The following FMN1 variants were observed in gnomAD, a reference collection of about 807,000 sequenced individuals.
FMN1 encodes formin-1.
In FMN1, 110 loss-of-function variants were observed where a neutral mutation model predicts 132.4. The ratio of observed to expected loss-of-function variants is 0.83; its 90% confidence interval spans 0.71 to 0.97. The LOEUF (loss-of-function observed/expected upper bound fraction) is 0.97. FMN1 is among the 50% of genes least tolerant of loss of function. FMN1 has a pLI of 0.00. For synonymous variants in FMN1, 722 were observed against 651.7 expected (o/e 1.11, Z -1.64); for missense variants, 1,792 against 1,705.3 (o/e 1.05, Z -0.90).
At chr15:32,803,698 T>C (rs1373337193) in intron 18 of FMN1, among the ~76,000 whole-genome samples, 2 of 152,144 alleles carry the variant, frequency 1.3e-5, no homozygotes, top group East Asian at 3.8e-4. Context: ...ATAAGTCTCT[T>C]GGGTGTCTGC....
chr15:33,023,059 C>CAAAAAAAAAAAAAAAA (rs758459713), intron 6 of FMN1, among the ~76,000 whole-genome samples: 8 of 53,194 alleles, frequency 1.5e-4, no homozygotes, highest in Admixed American at 6.1e-4. Context: ...CTCCCCCACC[C>CAAAAAAAAAAAAAAAA]AAAAAAAAAA....
intron 13 of FMN1, 179 bp from the exon 14 acceptor site, chr15:32,900,304 T>A: frequency 1.4e-6 from 1 of 716,448 alleles, no homozygotes; most frequent in Non-Finnish European, 2.5e-6. Context: ...ACAAACACAT[T>A]AACAGCCATT....
At chr15:33,113,848 C>T (rs570212915) in intron 4 of FMN1, among the ~76,000 whole-genome samples, 1 of 152,286 alleles carries the variant, frequency 6.6e-6, no homozygotes, top group East Asian at 1.9e-4. Context: ...CAAAACAGAG[C>T]CTTCTTTAAC....
intron 6 of FMN1, among the ~76,000 whole-genome samples, chr15:33,051,082 C>T (rs2036946687): frequency 6.6e-6 from 1 of 152,024 alleles, no homozygotes; most frequent in African/African-American, 2.4e-5. Context: ...TCACAAGGAC[C>T]CCCCCTTTAA....
rs763579203 is a variant in FMN1, at chr15:32,969,008, C to G, written c.2693G>C (p.Ser898Thr). Residue 898 changes from serine (S) to threonine (T), a missense_variant, in exon 8 of 21, where the codon AGT (serine) becomes ACT (threonine). Coordinates refer to ENST00000616417, the MANE Select transcript of FMN1 (RefSeq NM_001277313.2). ...CGGAGGTGGTAGCGGTGGCCCAGCACTCACAGGTGGCATTGGAGGTGCGGG... is the reference window on the plus strand; with the variant it reads ...CGGAGGTGGTAGCGGTGGCCCAGCAGTCACAGGTGGCATTGGAGGTGCGGG... ...LSPAPPMPPV[S>T]AGPPLPPPPP... 8.0e-7 allele frequency: 1 copy of G among 1,255,378 alleles called. No individual in the cohort carries two copies. Among genetic ancestry groups the G allele is most frequent in the South Asian group, 1.4e-5 (1 of 69,918 alleles). 77.8% of individuals were successfully genotyped at this position (1,255,378 alleles called of 1,614,324 possible).
In FMN1 at chr15:32,823,162, T is replaced by TG. The variant is rs1567224782; in HGVS notation, c.3929-18831_3929-18830insC. Among the ~76,000 whole-genome samples the TG allele has an allele frequency of 2.7e-3, 206 of 76,100 alleles. 7 individuals carry two copies. The South Asian group carries it at 0.096, about 35-fold the overall frequency. The allele number at this position is 76,100 out of a possible 152,430, so 49.9% of individuals were successfully genotyped here. A position where few individuals can be genotyped will look rare whatever the true frequency, so the allele number is the denominator to read the frequency against. The stretch of plus-strand genomic sequence containing the variant: ...CAGAGAGTTTCTACTGTTTTTTTTT[T>TG]TTTTTTTTTTTTTTTTTGAGACAGA... On this transcript the variant is annotated intron_variant, in intron 17 of 20. Transcript: ENST00000616417.
At chr15:32,785,221 T>A (rs1376519571) in intron 19 of FMN1, among the ~76,000 whole-genome samples, 9,816 of 59,784 alleles carry the variant, frequency 0.16, 2,234 homozygotes, top group South Asian at 0.24. Flanking sequence ...TATATATATT[T>A]TTTTTTTTTT....
intron 16 of FMN1, among the ~76,000 whole-genome samples, chr15:32,866,052 G>A (rs1393716419): frequency 3.3e-5 from 5 of 151,522 alleles, no homozygotes; most frequent in Non-Finnish European, 5.9e-5. Flanking sequence ...TCCCCTTTGA[G>A]GAACATCACA....
intron 17 of FMN1, among the ~76,000 whole-genome samples, chr15:32,813,682 C>T (rs959721715): frequency 2.6e-5 from 4 of 152,150 alleles, no homozygotes; most frequent in African/African-American, 4.8e-5. Context: ...GATACAGATG[C>T]AATTCCTTGA....
intron 6 of FMN1, among the ~76,000 whole-genome samples, chr15:33,018,374 G>A (rs896535542): frequency 2.0e-5 from 3 of 152,104 alleles, no homozygotes; most frequent in East Asian, 1.9e-4. Flanking sequence ...TTAGAGGGTT[G>A]GGACTTTCAG....
At chr15:33,018,314 T>C (rs907700464) in intron 6 of FMN1, among the ~76,000 whole-genome samples, 17 of 152,066 alleles carry the variant, frequency 1.1e-4, no homozygotes, top group Admixed American at 3.3e-4. Flanking sequence ...ACTGGAAGCC[T>C]TTAGGTAGCT....
intron 6 of FMN1, among the ~76,000 whole-genome samples, chr15:33,014,705 T>C (rs1413482431): frequency 1.3e-5 from 2 of 152,200 alleles, no homozygotes; most frequent in African/African-American, 2.4e-5. Context: ...ATTTAGCTAA[T>C]TGGTTCCTTC....
chr15:32,856,091 A>G (rs1567277780), intron 17 of FMN1, among the ~76,000 whole-genome samples: 1 of 152,174 alleles, frequency 6.6e-6, no homozygotes, highest in East Asian at 1.9e-4. Context: ...TGACTCATAG[A>G]CTGAGAATTT....
chr15:32,822,581 C>T (rs1238169539), intron 17 of FMN1, among the ~76,000 whole-genome samples: 1 of 152,022 alleles, frequency 6.6e-6, no homozygotes, highest in African/African-American at 2.4e-5. Context: ...TTTCTAAAGC[C>T]TTGATTTCTC....
chr15:33,105,874 A>G (rs939702471), intron 4 of FMN1: 1 of 152,050 alleles, frequency 6.6e-6, no homozygotes, highest in Non-Finnish European at 1.5e-5. Context: ...TCCAGATCTC[A>G]TTACTGTCTG....
intron 17 of FMN1, among the ~76,000 whole-genome samples, chr15:32,805,704 C>T (rs2057655444): frequency 6.6e-6 from 1 of 152,076 alleles, no homozygotes; most frequent in South Asian, 2.1e-4. Flanking sequence ...GACATGTGGT[C>T]CCTCTTGCAC....
intron 16 of FMN1, among the ~76,000 whole-genome samples, chr15:32,873,561 G>A (rs1441618053): frequency 1.3e-5 from 2 of 152,290 alleles, no homozygotes; most frequent in Non-Finnish European, 2.9e-5. Flanking sequence ...AGCTGCTGGA[G>A]CCTTTAACAG....
At chr15:32,831,764 CT>C (rs1392433134) in intron 17 of FMN1, among the ~76,000 whole-genome samples, 3 of 140,192 alleles carry the variant, frequency 2.1e-5, no homozygotes, top group African/African-American at 8.0e-5. Context: ...TTTTTTCTAA[CT>C]TCTGATTCTT....
At chr15:32,887,196 C>A (rs2059916082) in intron 16 of FMN1, among the ~76,000 whole-genome samples, 1 of 152,148 alleles carries the variant, frequency 6.6e-6, no homozygotes, top group South Asian at 2.1e-4. Context: ...TACTCTTTCA[C>A]AATAAACATT....
Sources: allele counts gnomAD v4.1 joint callset (sites outside exome capture counted in the v4.1 genomes callset), GRCh38; gene constraint gnomAD v4.1.1; transcripts MANE v1.5; gene names NCBI Gene and HGNC (gene_info 2026-07-23, HGNC 2026-07-21).